Variants in PLVAP observed in about 807,000 individuals in gnomAD.
PLVAP encodes the protein plasmalemma vesicle-associated protein.
In PLVAP, 34 loss-of-function variants were observed where a neutral mutation model predicts 43.1. The ratio of observed to expected loss-of-function variants is 0.79; its 90% CI spans 0.60 to 1.05. The LOEUF (loss-of-function observed/expected upper bound fraction) is 1.05, where lower values mean the gene tolerates loss of function less well. Among genes scored for constraint, PLVAP ranks in the 50% least tolerant of loss-of-function variants. The pLI is 0.00. For missense variants in PLVAP, 574 were observed against 593.4 expected, an observed-to-expected ratio of 0.97 and a Z score of 0.34; for synonymous variants, 241 against 237.3, an observed-to-expected ratio of 1.02 and a Z score of -0.14.
At chr19:17,366,330 G>A (rs1349266817) in intron 1 of PLVAP, 135 bp from the exon 2 acceptor site, 4 of 753,398 alleles carry the variant, frequency 5.3e-6, no homozygotes, top group Non-Finnish European at 8.8e-6. Context: ...ATGAGGGAAT[G>A]TTAGAAGCCA....
In PLVAP at chr19:17,374,032, C is replaced by T. The variant is rs555063618; in HGVS notation, c.369+2888G>A. On this transcript the variant is annotated intron_variant, in intron 1 of 5. Transcript: ENST00000252590. The stretch of plus-strand genomic sequence containing the variant: ...CAAAACTTAGCCGGGCATGGTGGGG[C>T]GCACCTGCAATCCCAGCTACTCGGG... Among the ~76,000 whole-genome samples the T allele has an allele frequency of 5.9e-5, 9 of 152,094 alleles. No individual in the cohort carries two copies. The South Asian group carries it at 1.0e-3, about 18-fold the overall frequency.
chr19:17,355,618 T>G (rs2074504024), intron 5 of PLVAP, among the ~76,000 whole-genome samples: 1 of 150,572 alleles, frequency 6.6e-6, no homozygotes. Context: ...AACCTCCACC[T>G]CCCAGGTCCT....
At chr19:17,361,647 A>G (rs893527813) in intron 3 of PLVAP, among the ~76,000 whole-genome samples, 5 of 152,152 alleles carry the variant, frequency 3.3e-5, no homozygotes, top group Admixed American at 3.3e-4. Flanking sequence ...TCTGATCCCA[A>G]CGTGAAAAGT....
chr19:17,372,491 C>T (rs1029298090), intron 1 of PLVAP, among the ~76,000 whole-genome samples: 7 of 150,058 alleles, frequency 4.7e-5, no homozygotes, highest in Non-Finnish European at 8.9e-5. Flanking sequence ...GAGTCTCGCT[C>T]TGTCGCCCAG....
chr19:17,367,155 G>C (rs1401429425), intron 1 of PLVAP, among the ~76,000 whole-genome samples: 1 of 151,710 alleles, frequency 6.6e-6, no homozygotes, highest in African/African-American at 2.4e-5. Context: ...ATGCTGCCGA[G>C]GCTGGTCTTG....
At chr19:17,359,195 C>T (rs1313660965) in intron 5 of PLVAP, among the ~76,000 whole-genome samples, 2 of 151,674 alleles carry the variant, frequency 1.3e-5, no homozygotes, top group Non-Finnish European at 2.9e-5. Flanking sequence ...CTCCACCTCC[C>T]GGGTTCAAGT....
intron 1 of PLVAP, among the ~76,000 whole-genome samples, chr19:17,367,929 G>A (rs1002473668): frequency 7.9e-5 from 12 of 151,260 alleles, no homozygotes; most frequent in Non-Finnish European, 1.3e-4. Context: ...ACAGAGTCTC[G>A]CTCTATCACC....
chr19:17,365,579 G>T lies in PLVAP; in HGVS notation c.886C>A (p.Arg296Ser). The T allele has an allele frequency of 6.2e-6, 10 of 1,612,386 alleles. No individual in the cohort carries two copies. The highest frequency in any genetic ancestry group is 8.5e-6 in the Non-Finnish European group (10 of 1,180,022). ...LARSLRADIE[R>S]VARENSDLQR... ...AGGTCTGAGTTCTCGCGGGCCACGC[G>T]TTCGATATCCGCCCGGAGGCTCCGG... Residue 296 changes from arginine (R) to serine (S), a missense_variant, in exon 3 of 6, where the codon CGC becomes AGC. Arg to Ser is a moderately radical substitution (Grantham distance 110). Transcript: ENST00000252590.
At chr19:17,376,550 C>T (rs959771324) in intron 1 of PLVAP, among the ~76,000 whole-genome samples, 65 of 151,894 alleles carry the variant, frequency 4.3e-4, no homozygotes, top group African/African-American at 1.5e-3. Flanking sequence ...GTAATCCCAA[C>T]AATTTGGGAG....
At chr19:17,357,169 C>T in intron 5 of PLVAP, among the ~76,000 whole-genome samples, 1 of 151,842 alleles carries the variant, frequency 6.6e-6, no homozygotes, top group East Asian at 1.9e-4. Context: ...GTGGTACACT[C>T]CTGTAATCCC....
intron 5 of PLVAP, among the ~76,000 whole-genome samples, chr19:17,358,234 G>A (rs79713033): frequency 2.1e-3 from 315 of 150,378 alleles, no homozygotes; most frequent in Non-Finnish European, 3.8e-3. Context: ...TGGCGAGGGA[G>A]TGAGCTCCCT....
intron 1 of PLVAP, 139 bp from the exon 2 acceptor site, chr19:17,366,334 G>C (rs1779799638): frequency 1.4e-6 from 1 of 730,464 alleles, no homozygotes; most frequent in Admixed American, 2.6e-5. Context: ...GGGAATGTTA[G>C]AAGCCAGGTG....
intron 3 of PLVAP, among the ~76,000 whole-genome samples, chr19:17,361,642 T>C (rs2074528760): frequency 6.6e-6 from 1 of 152,066 alleles, no homozygotes; most frequent in African/African-American, 2.4e-5. Flanking sequence ...TAAAATCTGA[T>C]CCCAACGTGA....
rs2074543700 is a variant in PLVAP, at chr19:17,365,281, C to G, written c.1179+5G>C. 1 of 1,602,840 alleles carries G rather than the reference C, an allele frequency of 6.2e-7. No individual in the cohort carries two copies. ...GCAGCCTCCCTCTGGGGCCTGCAAG[C>G]CCACCTTGGTCTTGATGCAGGTGTC... On this transcript the variant is annotated splice_donor_5th_base_variant and intron_variant, in intron 3 of 5. Coordinates refer to ENST00000252590, the MANE Select transcript of PLVAP (RefSeq NM_031310.3).
chr19:17,372,056 C>T (rs373291971), intron 1 of PLVAP, among the ~76,000 whole-genome samples: 11 of 133,102 alleles, frequency 8.3e-5, no homozygotes, highest in African/African-American at 3.1e-4. Flanking sequence ...AGACCAGCCT[C>T]GGCAATGTAG....
chr19:17,353,374 G>T (rs149642754), intron 5 of PLVAP, among the ~76,000 whole-genome samples: 29 of 152,322 alleles, frequency 1.9e-4, no homozygotes, highest in Admixed American at 3.9e-4. Flanking sequence ...CCCCAACAGT[G>T]ACCAGAGGAA....
Position 17,377,025 on chromosome 19 carries a change from G to A in PLVAP, c.264C>T (p.Leu88=), listed in dbSNP as rs374507346. ...TASQSNLTKE[L]NFTTRAKDAI... ...CATCCTTGGCGCGGGTGGTGAAGTT[G>A]AGCTCCTTGGTCAAGTTGGACTGGG... Residue 88 remains leucine, a synonymous_variant, in exon 1 of 6, where the codon CTC becomes CTT. Coordinates refer to ENST00000252590, the MANE Select transcript of PLVAP (RefSeq NM_031310.3). 1.2e-6 allele frequency: 2 copies of A among 1,614,004 alleles called. No individual in the cohort carries two copies. The highest frequency in any genetic ancestry group is 1.7e-6 in the Non-Finnish European group (2 of 1,180,040).
chr19:17,371,493 A>T (rs566275816), intron 1 of PLVAP, among the ~76,000 whole-genome samples: 42 of 151,682 alleles, frequency 2.8e-4, no homozygotes, highest in African/African-American at 7.7e-4. Context: ...ATTTTAATTT[A>T]ATTTTATTTT....
chr19:17,369,060 C>T (rs1437515641), intron 1 of PLVAP, among the ~76,000 whole-genome samples: 1 of 152,192 alleles, frequency 6.6e-6, no homozygotes, highest in East Asian at 1.9e-4. Context: ...CCCGCTAACA[C>T]TTTGATCTTG....
Sources: allele counts gnomAD v4.1 joint callset (sites outside exome capture counted in the v4.1 genomes callset), GRCh38; gene constraint gnomAD v4.1.1; transcripts MANE v1.5; gene names NCBI Gene and HGNC (gene_info 2026-07-23, HGNC 2026-07-21).